The following NR4A1 variants were observed in gnomAD, a reference collection of about 807,000 sequenced individuals.
NR4A1 encodes the protein nuclear receptor subfamily 4immunitygroup A member 1.
Under a neutral mutation model 47.5 loss-of-function variants are expected in NR4A1, and 24 were observed. The ratio of observed to expected loss-of-function variants is 0.50; its 90% CI spans 0.37 to 0.71. The LOEUF is 0.71. Among genes scored for constraint, NR4A1 ranks in the 30% least tolerant of loss-of-function variants. The probability of loss-of-function intolerance (pLI) is 0.00; values close to 1 mark genes in which losing one functional copy is unlikely to be tolerated. For synonymous variants in NR4A1, 353 were observed against 345.7 expected (o/e 1.02, Z -0.24); for missense variants, 669 against 788.6 (o/e 0.85, Z 1.82).
At chr12:52,037,566 C>T in intron 1 of NR4A1, 4 of 921,758 alleles carry the variant, frequency 4.3e-6, no homozygotes, top group Non-Finnish European at 5.2e-6. Flanking sequence ...ACTGGGGAGT[C>T]GGGGGGGGGA....
chr12:52,054,056 A>C, intron 1 of NR4A1: 1 of 476,672 alleles, frequency 2.1e-6, no homozygotes, highest in South Asian at 3.7e-5. Flanking sequence ...TGCCTCCCCT[A>C]GGGTTCCCAG....
rs1194261978 is a variant in NR4A1, at chr12:52,056,105, C to T, written c.952C>T (p.Arg318Cys). The T allele has an allele frequency of 7.4e-6, 12 of 1,611,970 alleles. No individual in the cohort carries two copies. The highest frequency in any genetic ancestry group is 4.0e-5 in the African/African-American group (3 of 74,774). ...DCPVDKRRRN[R>C]CQFCRFQKCL... ...CCCTGTGGACAAGAGGCGGCGAAACCGCTGCCAGTTCTGCCGCTTCCAGAA... is the reference window on the plus strand; with the variant it reads ...CCCTGTGGACAAGAGGCGGCGAAACTGCTGCCAGTTCTGCCGCTTCCAGAA... The change falls in exon 3 of 7, where the codon CGC becomes TGC. Residue 318 changes from arginine (R) to cysteine (C), a missense_variant. Arg to Cys is a radical substitution (Grantham distance 180). Transcript: ENST00000394825.
Position 52,054,118 on chromosome 12 carries a change from C to T in NR4A1, c.-2-209C>T, listed in dbSNP as rs576890888. On this transcript the variant is annotated intron_variant, in intron 1 of 6. Coordinates refer to ENST00000394825, the MANE Select transcript of NR4A1 (RefSeq NM_173157.3). ...GATGGAGCCCACTCATGCTGGGCCG[C>T]TGCCCAGGGGCTTTGTGGCACCTAG... 16 of 567,620 alleles carry T rather than the reference C, an allele frequency of 2.8e-5. No individual in the cohort carries two copies. In the East Asian group the frequency reaches 4.6e-4, roughly 16 times the overall value. 35.2% of individuals were successfully genotyped at this position (567,620 alleles called of 1,614,324 possible).
intron 1 of NR4A1, among the ~76,000 whole-genome samples, chr12:52,025,222 G>A (rs981041484): frequency 1.3e-5 from 2 of 152,070 alleles, no homozygotes; most frequent in Non-Finnish European, 2.9e-5. Context: ...ACCACGCCCG[G>A]CTAATTTGTC....
Position 52,024,453 on chromosome 12 carries a change from T to C in NR4A1, c.-84+1514T>C, listed in dbSNP as rs1425494968. Among the ~76,000 whole-genome samples, 208 of 152,284 alleles carry C rather than the reference T, an allele frequency of 1.4e-3. 3 individuals are homozygous for C. Among genetic ancestry groups the C allele is most frequent in the Non-Finnish European group, 4.4e-5 (3 of 68,012 alleles). The stretch of plus-strand genomic sequence containing the variant: ...GCCAGAGGGGTGGCTCACCAACACT[T>C]TGGGAGGCCAAGGCCGGAGGATCTC... On this transcript the variant is annotated intron_variant, in intron 1 of 7. Coordinates refer to the NR4A1 transcript ENST00000360284.
intron 1 of NR4A1, among the ~76,000 whole-genome samples, chr12:52,035,398 T>TC (rs1824785450): frequency 1.3e-5 from 2 of 152,180 alleles, no homozygotes; most frequent in Admixed American, 6.5e-5. Context: ...GCCCTTTTTT[T>TC]CCCTTCCTGT....
At chr12:52,042,641 C>T (rs1380417873) in intron 2 of NR4A1, among the ~76,000 whole-genome samples, 2 of 152,168 alleles carry the variant, frequency 1.3e-5, no homozygotes, top group Non-Finnish European at 2.9e-5. Flanking sequence ...CTGGCAAGCA[C>T]AGGCACCTGG....
chr12:52,040,420 G>A (rs752371242), intron 1 of NR4A1, among the ~76,000 whole-genome samples: 11 of 152,238 alleles, frequency 7.2e-5, no homozygotes, highest in Middle Eastern at 3.4e-3. Flanking sequence ...CAGTGGGGTG[G>A]TAGGGAGAAA....
At chr12:52,044,434 C>T (rs963293594) in intron 2 of NR4A1, among the ~76,000 whole-genome samples, 2 of 152,140 alleles carry the variant, frequency 1.3e-5, no homozygotes, top group African/African-American at 2.4e-5. Flanking sequence ...CTGGCAAGTC[C>T]GCCAACCAGC....
At chr12:52,041,470 G>A (rs1021173250) in intron 1 of NR4A1, among the ~76,000 whole-genome samples, 8 of 152,134 alleles carry the variant, frequency 5.3e-5, no homozygotes, top group African/African-American at 1.4e-4. Context: ...CTCCCTTTCT[G>A]TGCCCGCAGC....
upstream of NR4A1, among the ~76,000 whole-genome samples, chr12:52,049,074 A>C (rs116486551): frequency 7.1e-3 from 1,084 of 152,230 alleles, 18 homozygotes; most frequent in African/African-American, 0.025. Flanking sequence ...GCTGGGATGG[A>C]GGGTTCTGGC....
chr12:52,027,731 A>C (rs762532166), intron 1 of NR4A1, among the ~76,000 whole-genome samples: 1 of 152,148 alleles, frequency 6.6e-6, no homozygotes, highest in Admixed American at 6.5e-5. Context: ...CTGTTACTGA[A>C]CTGGTGGCCC....
chr12:52,035,205 C>G (rs1210263247), intron 1 of NR4A1, among the ~76,000 whole-genome samples: 1 of 152,206 alleles, frequency 6.6e-6, no homozygotes, highest in Non-Finnish European at 1.5e-5. Context: ...GCTTCTTCCA[C>G]CATCTCACGC....
At chr12:52,037,870 G>T in intron 1 of NR4A1, 1 of 985,244 alleles carries the variant, frequency 1.0e-6, no homozygotes, top group South Asian at 4.7e-5. Flanking sequence ...GCGGAGCTGG[G>T]GATTAGGACT....
upstream of NR4A1, among the ~76,000 whole-genome samples, chr12:52,048,559 A>T (rs1035830149): frequency 6.6e-6 from 1 of 152,170 alleles, no homozygotes. Context: ...GTGCCACTGC[A>T]CTCCAGCCTG....
intron 2 of NR4A1, chr12:52,043,545 G>A (rs1001854753): frequency 1.1e-5 from 5 of 437,318 alleles, no homozygotes; most frequent in African/African-American, 6.3e-5. Flanking sequence ...GCCTGGGCAC[G>A]GGCCCAGGGT....
rs151059779 is a variant in NR4A1, at chr12:52,056,725, C to T, written c.1158+80C>T. On this transcript the variant is annotated intron_variant, in intron 4 of 6. Coordinates refer to ENST00000394825, the MANE Select transcript of NR4A1 (RefSeq NM_173157.3). ...TTTGTGCGTGTTAGGAGAGCTACCC[C>T]CTCTGGAAGGACTGAATGAGAAAGG... The T allele has an allele frequency of 4.9e-4, 690 of 1,411,330 alleles. 2 individuals carry two copies. Among genetic ancestry groups the T allele is most frequent in the Non-Finnish European group, 5.8e-4 (613 of 1,053,012 alleles). The allele number at this position is 1,411,330 out of a possible 1,614,324, so 87.4% of individuals were successfully genotyped here.
In NR4A1 at chr12:52,051,470, G is replaced by T. The variant is rs1267828506; in HGVS notation, c.-101G>T. 3.0e-6 allele frequency: 3 copies of T among 985,566 alleles called. No individual in the cohort carries two copies. The highest frequency in any genetic ancestry group is 9.4e-5 in the South Asian group (2 of 21,294). 61.1% of individuals were successfully genotyped at this position (985,566 alleles called of 1,614,324 possible). A position where few individuals can be genotyped will look rare whatever the true frequency, so the allele number is the denominator to read the frequency against. On this transcript the variant is annotated 5_prime_UTR_variant, in exon 1 of 7. Coordinates refer to ENST00000394825, the MANE Select transcript of NR4A1 (RefSeq NM_173157.3). ...CCCAGTGGCGGAGGCTACGAAACTT[G>T]GGGGAGTGCACAGAAGAACTTCGGG...
At position 52,054,747 on chromosome 12, in the gene NR4A1, C is replaced by T. The variant is rs1198495465; in HGVS notation, c.419C>T (p.Ser140Leu). 4 of 1,612,558 alleles carry T rather than the reference C, an allele frequency of 2.5e-6. No homozygotes were observed. The highest frequency in any genetic ancestry group is 1.3e-5 in the African/African-American group (1 of 75,044). Residue 140 changes from serine (S) to leucine (L), a missense_variant, in exon 2 of 7, where the codon TCG (serine) becomes TTG (leucine). Transcript: ENST00000394825. ...TATGGCAGCCCCTGCTCGGCCCCGT[C>T]GCCCTCCACGCCCAGCTTCCAGCCG... ...DYYGSPCSAP[S>L]PSTPSFQPPQ...
Sources: allele counts gnomAD v4.1 joint callset (sites outside exome capture counted in the v4.1 genomes callset), GRCh38; gene constraint gnomAD v4.1.1; transcripts MANE v1.5; gene names NCBI Gene and HGNC (gene_info 2026-07-23, HGNC 2026-07-21).